The following DLGAP1 variants were observed in gnomAD, a reference collection of about 807,000 sequenced individuals.
The protein encoded by DLGAP1 is DLG associated protein 1, also known as disks large-associated protein 1.
DLGAP1 carries 11 observed loss-of-function variants against 90.8 expected under a neutral mutation model. The observed-to-expected ratio is 0.12, with a 90% CI of 0.08 to 0.20. The LOEUF (loss-of-function observed/expected upper bound fraction) is 0.20. Among genes scored for constraint, DLGAP1 ranks in the 10% least tolerant of loss-of-function variants. The pLI, the probability that DLGAP1 is intolerant of heterozygous loss-of-function variation, is 1.00. For missense variants in DLGAP1, 1,050 were observed against 1,333.8 expected (o/e 0.79, Z 3.31); for synonymous variants, 558 against 540.7 (o/e 1.03, Z -0.44).
intron 7 of DLGAP1, among the ~76,000 whole-genome samples, chr18:3,591,373 G>A (rs2056235568): frequency 6.6e-6 from 1 of 152,118 alleles, no homozygotes; most frequent in Non-Finnish European, 1.5e-5. Context: ...GTCTATTTCA[G>A]GAAAGGCATG....
chr18:4,276,410 C>T lies in DLGAP1; in HGVS notation c.-266-125123G>A, dbSNP rs182109611. ...CAGCACTTTGGGAGGCTGAGGCAGG[C>T]GGATCACTCGAGGTCAGGAGCTCAA... is the stretch of plus-strand genomic sequence containing the variant. On this transcript the variant is annotated intron_variant, in intron 1 of 12. Coordinates refer to ENST00000315677, the MANE Select transcript of DLGAP1 (RefSeq NM_004746.4). Among the ~76,000 whole-genome samples the T allele has an allele frequency of 3.6e-3, 547 of 151,864 alleles. 2 individuals are homozygous for T. The highest frequency in any genetic ancestry group is 0.02 in the Middle Eastern group (6 of 294).
chr18:3,519,897 G>A lies in DLGAP1; in HGVS notation c.2480-11236C>T, dbSNP rs151333863. On this transcript the variant is annotated intron_variant, in intron 10 of 12. Coordinates refer to ENST00000315677, the MANE Select transcript of DLGAP1 (RefSeq NM_004746.4). ...ATTTGTATTATTTAAAAATTACCCAGTCTTGAGCATTAGGACAAATACCTA... is the reference window on the plus strand; with the variant it reads ...ATTTGTATTATTTAAAAATTACCCAATCTTGAGCATTAGGACAAATACCTA... Among the ~76,000 whole-genome samples, 42 of 152,238 alleles carry A rather than the reference G, an allele frequency of 2.8e-4. No individual in the cohort carries two copies. The East Asian group carries it at 6.7e-3, about 24-fold the overall frequency.
At chr18:3,936,778 G>A (rs1251878050) in intron 3 of DLGAP1, among the ~76,000 whole-genome samples, 1 of 152,178 alleles carries the variant, frequency 6.6e-6, no homozygotes, top group Non-Finnish European at 1.5e-5. Flanking sequence ...TTCACAATTT[G>A]GAGGCATATA....
rs543469681 is a variant in DLGAP1 at position 3,793,800 on chromosome 18, T to C, written c.1172+20259A>G. 7.9e-5 allele frequency among the ~76,000 whole-genome samples: 12 copies of C among 152,228 alleles called. No individual in the cohort carries two copies. In the South Asian group the frequency reaches 2.5e-3, roughly 32 times the overall value. On this transcript the variant is annotated intron_variant, in intron 5 of 12. Coordinates refer to ENST00000315677, the MANE Select transcript of DLGAP1 (RefSeq NM_004746.4). ...CTGCATGCCCCACTCTGCGACCCCC[T>C]GACACTATCCCCTTGTGAGTGTGGC...
chr18:3,807,873 T>C (rs1303053770), intron 5 of DLGAP1, among the ~76,000 whole-genome samples: 1 of 152,228 alleles, frequency 6.6e-6, no homozygotes. Context: ...TCTATAGTCA[T>C]GATCATTGTA....
chr18:4,116,583 C>T (rs2076067674), intron 2 of DLGAP1, among the ~76,000 whole-genome samples: 1 of 151,978 alleles, frequency 6.6e-6, no homozygotes, highest in African/African-American at 2.4e-5. Context: ...CTCTACTGAT[C>T]TTCTTCAAGG....
intron 7 of DLGAP1, chr18:3,708,373 G>T: frequency 2.2e-6 from 1 of 455,800 alleles, no homozygotes; most frequent in Non-Finnish European, 4.4e-6. Flanking sequence ...TATTGTGAGA[G>T]CTGTGAATTC....
chr18:4,068,165 C>A (rs1272969590), intron 2 of DLGAP1, among the ~76,000 whole-genome samples: 1 of 151,782 alleles, frequency 6.6e-6, no homozygotes, highest in Non-Finnish European at 1.5e-5. Flanking sequence ...ACACACTAAT[C>A]TTCTCTCTTT....
chr18:3,721,217 G>A (rs2061970408), intron 7 of DLGAP1, among the ~76,000 whole-genome samples: 1 of 152,162 alleles, frequency 6.6e-6, no homozygotes, highest in South Asian at 2.1e-4. Flanking sequence ...CAAGAGACCA[G>A]TCAGATCAGA....
At chr18:3,602,573 C>T (rs1242293534) in intron 7 of DLGAP1, among the ~76,000 whole-genome samples, 7 of 119,144 alleles carry the variant, frequency 5.9e-5, no homozygotes, top group African/African-American at 1.6e-4. Flanking sequence ...CCAGCCTGGG[C>T]GACAGAGCGA....
In DLGAP1 at chr18:3,910,083, T is replaced by C. The variant is rs1185551275; in HGVS notation, c.-72-29943A>G. The stretch of plus-strand genomic sequence containing the variant: ...CCATTTTTTTCATGATTAAAAACTT[T>C]TACAAGTTAATAGTTGGACTACGAA... On this transcript the variant is annotated intron_variant, in intron 3 of 12. Transcript: ENST00000315677. Among the ~76,000 whole-genome samples, 4 of 151,036 alleles carry C rather than the reference T, an allele frequency of 2.6e-5. No homozygotes were observed. In the Admixed American group the frequency reaches 2.7e-4, roughly 10 times the overall value.
chr18:3,589,029 T>C (rs1260828037), intron 7 of DLGAP1, among the ~76,000 whole-genome samples: 1 of 149,554 alleles, frequency 6.7e-6, no homozygotes, highest in African/African-American at 2.5e-5. Flanking sequence ...TAAAAATATA[T>C]AAAAAAAAAT....
chr18:4,435,428 T>A (rs1035889145), intron 1 of DLGAP1, among the ~76,000 whole-genome samples: 4 of 151,756 alleles, frequency 2.6e-5, no homozygotes, highest in Non-Finnish European at 4.4e-5. Context: ...TATGGAAAGA[T>A]GAAAAGAAAA....
At chr18:3,677,959 G>T (rs908492062) in intron 7 of DLGAP1, among the ~76,000 whole-genome samples, 16 of 86,662 alleles carry the variant, frequency 1.8e-4, no homozygotes, top group Middle Eastern at 0.011. Flanking sequence ...GTGCCCGGTG[G>T]GTTTTTTTTT....
intron 1 of DLGAP1, among the ~76,000 whole-genome samples, chr18:4,282,932 T>C (rs982642018): frequency 6.6e-6 from 1 of 152,234 alleles, no homozygotes; most frequent in Admixed American, 6.5e-5. Flanking sequence ...CATTTTATCC[T>C]ATTTAGTTTC....
chr18:3,985,206 C>A (rs1279939383), intron 3 of DLGAP1, among the ~76,000 whole-genome samples: 2 of 152,156 alleles, frequency 1.3e-5, no homozygotes, highest in Admixed American at 6.5e-5. Context: ...CACATGTGAT[C>A]CCCAGTGTCA....
chr18:3,833,803 A>G (rs1374505208), intron 4 of DLGAP1, among the ~76,000 whole-genome samples: 2 of 152,232 alleles, frequency 1.3e-5, no homozygotes, highest in Admixed American at 1.3e-4. Context: ...GAATGATAAA[A>G]TTTTGATACC....
intron 1 of DLGAP1, among the ~76,000 whole-genome samples, chr18:4,327,364 A>T (rs1363981053): frequency 6.6e-6 from 1 of 152,066 alleles, no homozygotes; most frequent in African/African-American, 2.4e-5. Context: ...TTAAAATAAA[A>T]ATTTAAATTT....
chr18:3,933,886 C>T (rs897844176), intron 3 of DLGAP1, among the ~76,000 whole-genome samples: 2 of 152,118 alleles, frequency 1.3e-5, no homozygotes, highest in African/African-American at 4.8e-5. Flanking sequence ...TAAAGAGACC[C>T]TATCTTCCTC....
Sources: gnomAD v4.1 joint callset for allele counts (sites outside exome capture counted in the v4.1 genomes callset) on GRCh38, gnomAD v4.1.1 for gene constraint, MANE v1.5 for transcripts, NCBI Gene and HGNC (gene_info 2026-07-23, HGNC 2026-07-21) for gene names.